The following CASR variants were observed in gnomAD, a reference collection of about 807,000 sequenced individuals.
CASR encodes the protein calcium sensing receptor.
CASR carries 23 observed loss-of-function variants against 69.1 expected under a neutral mutation model. The observed-to-expected ratio is 0.33, with a 90% CI of 0.24 to 0.47. CASR has a LOEUF of 0.47. CASR is among the 20% of genes least tolerant of loss of function. CASR has a pLI of 1.00. For missense variants in CASR, 924 were observed against 1,356.1 expected (o/e 0.68, Z 5.00); for synonymous variants, 541 against 544.7 (o/e 0.99, Z 0.10).
At chr3:122,274,284 T>C (rs891399758) in intron 4 of CASR, among the ~76,000 whole-genome samples, 3 of 152,244 alleles carry the variant, frequency 2.0e-5, no homozygotes, top group African/African-American at 7.2e-5. Context: ...TGAGCACACA[T>C]AGTCTGTCAT....
At chr3:122,239,294 T>C (rs1279564333) in intron 1 of CASR, among the ~76,000 whole-genome samples, 1 of 152,178 alleles carries the variant, frequency 6.6e-6, no homozygotes, top group African/African-American at 2.4e-5. Flanking sequence ...CCCCCTGAGC[T>C]AGTGGTGGTG....
At chr3:122,240,775 T>C (rs2074372106) in intron 1 of CASR, among the ~76,000 whole-genome samples, 1 of 152,218 alleles carries the variant, frequency 6.6e-6, no homozygotes, top group Admixed American at 6.5e-5. Flanking sequence ...ATAAACCGTA[T>C]GTTGGGTCAC....
Position 122,287,237 on chromosome 3 carries a change from A to G in CASR, c.*2046A>G, listed in dbSNP as rs1370224981. 1 of 152,244 alleles carries G rather than the reference A, an allele frequency of 6.6e-6. No homozygotes were observed. Among genetic ancestry groups the G allele is most frequent in the Non-Finnish European group, 1.5e-5 (1 of 68,046 alleles). 9.4% of individuals were successfully genotyped at this position (152,244 alleles called of 1,614,324 possible). On this transcript the variant is annotated 3_prime_UTR_variant, in exon 7 of 7. Transcript: ENST00000639785. ...CCTCCAGGGTTTGACTTCAATGTCC[A>G]TGTCACCCAAGGGGCTTTAGGAGGA...
At chr3:122,190,694 A>G (rs1030128196) in intron 1 of CASR, among the ~76,000 whole-genome samples, 2 of 152,238 alleles carry the variant, frequency 1.3e-5, no homozygotes, top group African/African-American at 4.8e-5. Context: ...AGCTGAATGA[A>G]TCAATGAATG....
chr3:122,217,164 G>A (rs910797966), intron 1 of CASR, among the ~76,000 whole-genome samples: 1 of 151,254 alleles, frequency 6.6e-6, no homozygotes, highest in African/African-American at 2.4e-5. Context: ...GGAGTGCAGC[G>A]ACATGATCTC....
rs371085639 is a variant in CASR at position 122,286,999 on chromosome 3, G to A, written c.*1808G>A. On this transcript the variant is annotated 3_prime_UTR_variant, in exon 7 of 7. Transcript: ENST00000639785. ...CTGTGAGCAGAAGGTGGTGACTCAG[G>A]ATGACCCAAGTGAGGTGCCTGCTCC... The A allele has an allele frequency of 6.6e-5, 10 of 152,390 alleles. No individual in the cohort carries two copies. The highest frequency in any genetic ancestry group is 2.4e-4 in the African/African-American group (10 of 41,582). The allele number at this position is 152,390 out of a possible 1,614,324, so 9.4% of individuals were successfully genotyped here.
In CASR at chr3:122,231,657, C is replaced by T. The variant is rs557321529; in HGVS notation, c.-242-22291C>T. ...CTTGCCTTTCTGGTACATGAAACAT[C>T]TGAATTGGAAGAAATTATGTGCATA... On this transcript the variant is annotated intron_variant, in intron 1 of 6. Transcript: ENST00000639785. Among the ~76,000 whole-genome samples, 57 of 151,908 alleles carry T rather than the reference C, an allele frequency of 3.8e-4. No homozygotes were observed. In the South Asian group the frequency reaches 5.6e-3, roughly 15 times the overall value.
At position 122,254,303 on chromosome 3, in the gene CASR, T is replaced by C. The variant is rs61733590; in HGVS notation, c.114T>C (p.Phe38=). 8.6e-5 allele frequency: 139 copies of C among 1,614,048 alleles called. No individual in the cohort carries two copies. The highest frequency in any genetic ancestry group is 1.6e-4 in the Middle Eastern group (1 of 6,084). ...GGGACATTATCCTTGGGGGGCTCTTTCCTATTCATTTTGGAGTAGCAGCTA... is the reference window on the plus strand; with the variant it reads ...GGGACATTATCCTTGGGGGGCTCTTCCCTATTCATTTTGGAGTAGCAGCTA... The part of the protein sequence containing the change: ...KKGDIILGGL[F]PIHFGVAAKD... The change falls in exon 2 of 7, where the codon TTT becomes TTC. Residue 38 remains phenylalanine (F), a synonymous_variant. Coordinates refer to ENST00000639785, the MANE Select transcript of CASR (RefSeq NM_000388.4).
In CASR at chr3:122,191,113, A is replaced by G. The variant is rs2073835327; in HGVS notation, c.-243+7301A>G. On this transcript the variant is annotated intron_variant, in intron 1 of 6. Coordinates refer to ENST00000639785, the MANE Select transcript of CASR (RefSeq NM_000388.4). Reference sequence around the variant, plus strand: ...CTGAAGAAATGAGTTTCTTACTGTAAATACACTCAGTCAAGTTAAAACTTA... The same window carrying G: ...CTGAAGAAATGAGTTTCTTACTGTAGATACACTCAGTCAAGTTAAAACTTA... Among the ~76,000 whole-genome samples, 3 of 152,222 alleles carry G rather than the reference A, an allele frequency of 2.0e-5. No homozygotes were observed. In the East Asian group the frequency reaches 5.8e-4, roughly 29 times the overall value.
chr3:122,271,085 G>A (rs895631404), intron 4 of CASR, among the ~76,000 whole-genome samples: 7 of 152,070 alleles, frequency 4.6e-5, no homozygotes, highest in African/African-American at 9.6e-5. Flanking sequence ...CAGCTAATAC[G>A]AATGCCCTAT....
intron 4 of CASR, among the ~76,000 whole-genome samples, chr3:122,272,117 ACACACACACG>A (rs1300237209): frequency 6.8e-6 from 1 of 146,510 alleles, no homozygotes; most frequent in East Asian, 2.5e-4. Flanking sequence ...ACACACACAC[ACACACACACG>A]AGTAGGATTG....
rs2107631574 is a variant in CASR at position 122,261,430 on chromosome 3, GCATGCTCAGAAAGC to G, written c.493-95_493-82del. The G allele has an allele frequency of 5.0e-6, 5 of 1,001,384 alleles. No homozygotes were observed. In the East Asian group the frequency reaches 1.2e-4, roughly 24 times the overall value. The allele number at this position is 1,001,384 out of a possible 1,614,324, so 62.0% of individuals were successfully genotyped here. On this transcript the variant is annotated intron_variant, in intron 3 of 6. Coordinates refer to ENST00000639785, the MANE Select transcript of CASR (RefSeq NM_000388.4). ...AGCATAGTTGATAAATGAGACCAAG[GCATGCTCAGAAAGC>G]CACCTCCACAACAGCCTGGAGGCTC...
intron 5 of CASR, among the ~76,000 whole-genome samples, chr3:122,277,133 C>T (rs1425140153): frequency 6.7e-6 from 1 of 149,720 alleles, no homozygotes; most frequent in African/African-American, 2.5e-5. Flanking sequence ...GCTGAAGCCT[C>T]TGCCTCCCAG....
In CASR at chr3:122,261,988, T is replaced by A; in HGVS notation, c.953T>A (p.Ile318Asn). 1 of 1,614,228 alleles carries A rather than the reference T, an allele frequency of 6.2e-7. No homozygotes were observed. Among genetic ancestry groups the A allele is most frequent in the Non-Finnish European group, 8.5e-7 (1 of 1,180,032 alleles). The change falls in exon 4 of 7, where the codon ATT (isoleucine) becomes AAT (asparagine). Residue 318 changes from isoleucine (I) to asparagine (N), a missense_variant. Physicochemically the swap from Ile to Asn is moderately radical, Grantham distance 149. Coordinates refer to ENST00000639785, the MANE Select transcript of CASR (RefSeq NM_000388.4). ...PQYFHVVGGT[I>N]GFALKAGQIP... Reference sequence around the variant, plus strand: ...TACTTCCACGTGGTTGGCGGCACCATTGGATTCGCTCTGAAGGCTGGGCAG... The same window carrying A: ...TACTTCCACGTGGTTGGCGGCACCAATGGATTCGCTCTGAAGGCTGGGCAG...
chr3:122,207,930 T>C (rs1237499270), intron 1 of CASR, among the ~76,000 whole-genome samples: 2 of 152,172 alleles, frequency 1.3e-5, no homozygotes, highest in African/African-American at 4.8e-5. Context: ...GGTCCGTTAC[T>C]GAGAGTGGGT....
intron 1 of CASR, among the ~76,000 whole-genome samples, chr3:122,252,409 A>AGG (rs1553765626): frequency 0.011 from 69 of 6,444 alleles, 1 homozygote; most frequent in East Asian, 0.021. Context: ...GAAGGAAGGA[A>AGG]AAAGAAAGAA....
intron 1 of CASR, among the ~76,000 whole-genome samples, chr3:122,221,292 T>G (rs1047680112): frequency 6.6e-5 from 10 of 152,312 alleles, no homozygotes. Flanking sequence ...CCTCACCCCC[T>G]TCCTTGGAGA....
rs1440698174 is a variant in CASR, at chr3:122,261,559, G to A, written c.524G>A (p.Ser175Asn). The change falls in exon 4 of 7, where the codon AGC becomes AAC. Residue 175 changes from serine (S) to asparagine (N), a missense_variant. Physicochemically the swap from Ser to Asn is conservative, Grantham distance 46 (BLOSUM62 1). Transcript: ENST00000639785. ...TATGCCTCCTCCAGCAGACTCCTCAGCAACAAGAATCAATTCAAGTCTTTC... is the reference window on the plus strand; with the variant it reads ...TATGCCTCCTCCAGCAGACTCCTCAACAACAAGAATCAATTCAAGTCTTTC... ...VSYASSSRLL[S>N]NKNQFKSFLR... 6.2e-7 allele frequency: 1 copy of A among 1,614,078 alleles called. No individual in the cohort carries two copies. The highest frequency in any genetic ancestry group is 2.2e-5 in the East Asian group (1 of 44,894).
intron 4 of CASR, among the ~76,000 whole-genome samples, chr3:122,269,445 T>G (rs548789452): frequency 6.6e-6 from 1 of 152,258 alleles, no homozygotes; most frequent in Non-Finnish European, 1.5e-5. Flanking sequence ...ATGTCATCAG[T>G]GCTTTTTCTG....
Sources: allele counts gnomAD v4.1 joint callset (sites outside exome capture counted in the v4.1 genomes callset), GRCh38; gene constraint gnomAD v4.1.1; transcripts MANE v1.5; gene names NCBI Gene and HGNC (gene_info 2026-07-23, HGNC 2026-07-21).